CD55: variants seen among roughly 807,000 people sequenced by gnomAD.
CD55 encodes complement decay-accelerating factor.
In CD55, 41 loss-of-function variants were observed where a neutral mutation model predicts 45.8. The ratio of observed to expected loss-of-function variants is 0.90; its 90% CI spans 0.70 to 1.16. The LOEUF (loss-of-function observed/expected upper bound fraction) is 1.16, where lower values mean the gene tolerates loss of function less well. Among genes scored for constraint, CD55 ranks in the 50% most tolerant of loss-of-function variants. CD55 has a pLI of 0.00. For missense variants in CD55, 416 were observed against 469.8 expected (o/e 0.89, Z 1.06); for synonymous variants, 181 against 181.1 (o/e 1.00, Z 0.01).
rs770708482 is a variant in CD55 at position 207,359,594 on chromosome 1, T to C, written c.1130T>C (p.Met377Thr). The part of the protein sequence containing the change: ...LTGLLGTLVT[M>T]GLLT ...GGTTTGCTTGGGACGCTAGTAACCA[T>C]GGGCTTGCTGACTTAGCCAAAGAAG... is the stretch of plus-strand genomic sequence containing the variant. The change falls in exon 10 of 10, where the codon ATG becomes ACG. Residue 377 changes from methionine to threonine, a missense_variant. Around this residue, in one of 3 missense-constraint regions of CD55, gnomAD observed 182 missense variants for 201.4 expected, o/e 0.90. Coordinates refer to ENST00000367064, the MANE Select transcript of CD55 (RefSeq NM_000574.5). 8 of 1,595,192 alleles carry C rather than the reference T, an allele frequency of 5.0e-6. No individual in the cohort carries two copies. The South Asian group carries it at 6.8e-5, about 14-fold the overall frequency.
chr1:207,325,454 G>A (rs28371604), intron 3 of CD55, among the ~76,000 whole-genome samples, 168 bp from the exon 4 acceptor site: 3,028 of 151,712 alleles, frequency 0.02, 106 homozygotes, highest in African/African-American at 0.068. Context: ...AGGTATAATC[G>A]ACAAATATTA....
At chr1:207,342,826 C>T (rs1377753143) in intron 9 of CD55, among the ~76,000 whole-genome samples, 1 of 152,068 alleles carries the variant, frequency 6.6e-6, no homozygotes. Context: ...CCATCCAGTC[C>T]TGGGCTTTTC....
intron 9 of CD55, among the ~76,000 whole-genome samples, chr1:207,344,158 A>G (rs975327175): frequency 7.9e-5 from 12 of 152,240 alleles, no homozygotes; most frequent in African/African-American, 2.7e-4. Context: ...ATCTGTTTAC[A>G]TTCAGGGTTA....
chr1:207,324,145 A>G (rs1654559133), intron 2 of CD55, among the ~76,000 whole-genome samples: 1 of 152,210 alleles, frequency 6.6e-6, no homozygotes, highest in Non-Finnish European at 1.5e-5. Flanking sequence ...TTTGTACGTA[A>G]ATAAATATTA....
At chr1:207,338,349 T>C (rs1415087444) in intron 8 of CD55, among the ~76,000 whole-genome samples, 2 of 152,264 alleles carry the variant, frequency 1.3e-5, no homozygotes, top group East Asian at 3.9e-4. Context: ...ATTCTTTATG[T>C]GGTTTTTTTA....
chr1:207,358,020 C>T lies in CD55; in HGVS notation c.1082-1526C>T, dbSNP rs114743415. On this transcript the variant is annotated intron_variant, in intron 9 of 9. Transcript: ENST00000367064. ...TCACCTATTTTCAGATTGCAGTTGA[C>T]TGTGGGTAACTGAAACCACAGATAA... is the stretch of plus-strand genomic sequence containing the variant. 4.7e-3 allele frequency among the ~76,000 whole-genome samples: 709 copies of T among 152,246 alleles called. 5 individuals carry two copies. The highest frequency in any genetic ancestry group is 7.9e-3 in the Non-Finnish European group (538 of 68,012).
chr1:207,356,240 T>A (rs1656070726), intron 9 of CD55, among the ~76,000 whole-genome samples: 1 of 152,204 alleles, frequency 6.6e-6, no homozygotes, highest in Non-Finnish European at 1.5e-5. Flanking sequence ...TTTTTAAAAA[T>A]TTATTCCTAG....
intron 9 of CD55, among the ~76,000 whole-genome samples, chr1:207,350,393 C>T (rs1003564784): frequency 6.6e-6 from 1 of 151,854 alleles, no homozygotes. Context: ...AGGAGTCCCT[C>T]CTCCTTGATT....
intron 9 of CD55, among the ~76,000 whole-genome samples, chr1:207,350,723 T>C (rs562879938): frequency 1.2e-4 from 19 of 152,258 alleles, no homozygotes; most frequent in African/African-American, 4.3e-4. Context: ...TCTGAGATTG[T>C]GTTTATTTGG....
At chr1:207,327,112 T>C (rs994033326) in intron 5 of CD55, among the ~76,000 whole-genome samples, 2 of 152,210 alleles carry the variant, frequency 1.3e-5, no homozygotes, top group African/African-American at 4.8e-5. Flanking sequence ...GGTCATTTAT[T>C]GTCTAACCAT....
At chr1:207,356,992 A>G (rs1483590339) in intron 9 of CD55, among the ~76,000 whole-genome samples, 4 of 152,196 alleles carry the variant, frequency 2.6e-5, no homozygotes, top group Admixed American at 6.5e-5. Flanking sequence ...TAAGAAAACT[A>G]TTAATTTAAT....
chr1:207,351,709 A>C (rs568048327), intron 9 of CD55, among the ~76,000 whole-genome samples: 2 of 152,328 alleles, frequency 1.3e-5, no homozygotes, highest in South Asian at 4.1e-4. Context: ...TGATGATTTA[A>C]TGATCACAAA....
intron 9 of CD55, chr1:207,347,168 C>T (rs1655673509): frequency 2.2e-6 from 1 of 456,160 alleles, no homozygotes; most frequent in African/African-American, 2.0e-5. Context: ...CCAGAGGCAT[C>T]TAGTCAGACA....
intron 9 of CD55, among the ~76,000 whole-genome samples, chr1:207,353,074 G>T (rs1438815122): frequency 7.3e-6 from 1 of 136,262 alleles, no homozygotes; most frequent in African/African-American, 2.8e-5. Flanking sequence ...TTGGATGGGG[G>T]ACAGGGTCTC....
intron 9 of CD55, 53 bp from the exon 10 acceptor site, chr1:207,359,493 A>G: frequency 6.8e-7 from 1 of 1,470,428 alleles, no homozygotes; most frequent in Non-Finnish European, 9.0e-7. Context: ...TATCACTAGT[A>G]AATAAAATCA....
intron 9 of CD55, among the ~76,000 whole-genome samples, chr1:207,358,046 G>A (rs1475841981): frequency 6.6e-6 from 1 of 152,146 alleles, no homozygotes; most frequent in Non-Finnish European, 1.5e-5. Context: ...CCACAGATAA[G>A]CAGACTAATG....
intron 2 of CD55, among the ~76,000 whole-genome samples, chr1:207,324,207 A>G (rs1654562210): frequency 6.6e-6 from 1 of 152,132 alleles, no homozygotes; most frequent in Non-Finnish European, 1.5e-5. Context: ...GAAATACCCT[A>G]TTCCTGTACT....
chr1:207,321,884 G>A lies in CD55; in HGVS notation c.100+19G>A. 6.7e-7 allele frequency: 1 copy of A among 1,494,108 alleles called. No homozygotes were observed. Among genetic ancestry groups the A allele is most frequent in the South Asian group, 1.2e-5 (1 of 80,602 alleles). The allele number at this position is 1,494,108 out of a possible 1,614,324, so 92.6% of individuals were successfully genotyped here. A position where few individuals can be genotyped will look rare whatever the true frequency, so the allele number is the denominator to read the frequency against. ...GTGTGGGGTGAGTAGGGGCCCGGCG[G>A]CCGGGGAAGCCCCTGGGCTGGGTGG... On this transcript the variant is annotated intron_variant, in intron 1 of 9. Transcript: ENST00000367064.
At chr1:207,347,248 G>A in intron 9 of CD55, 2 of 451,078 alleles carry the variant, frequency 4.4e-6, no homozygotes, top group South Asian at 1.6e-5. Flanking sequence ...GATACCAAAG[G>A]GAAAATGGGT....
Sources: gnomAD v4.1 joint callset for allele counts (sites outside exome capture counted in the v4.1 genomes callset) on GRCh38, gnomAD v4.1.1 for gene constraint, gnomAD v4.1.1 regional missense constraint, MANE v1.5 for transcripts, NCBI Gene and HGNC (gene_info 2026-07-23, HGNC 2026-07-21) for gene names.